CPS1: variants seen among roughly 807,000 people sequenced by gnomAD.
The protein encoded by CPS1 is carbamoyl-phosphate synthase 1.
CPS1 carries 109 observed loss-of-function variants against 174.6 expected under a neutral mutation model. That is an observed-to-expected ratio of 0.62 (90% CI 0.53 to 0.73). The LOEUF (loss-of-function observed/expected upper bound fraction) is 0.73. Among genes scored for constraint, CPS1 ranks in the 30% least tolerant of loss-of-function variants. The pLI is 0.00. For missense variants in CPS1, 1,689 were observed against 1,821.9 expected (o/e 0.93, Z 1.33); for synonymous variants, 637 against 632.0 (o/e 1.01, Z -0.12).
chr2:210,538,289 C>A (rs1362382511), intron 1 of CPS1, among the ~76,000 whole-genome samples: 3 of 151,932 alleles, frequency 2.0e-5, no homozygotes, highest in Non-Finnish European at 4.4e-5. Flanking sequence ...ATCCTTATTT[C>A]TTTCAATATT....
At chr2:210,598,066 A>G (rs1698554785) in intron 13 of CPS1, among the ~76,000 whole-genome samples, 1 of 151,684 alleles carries the variant, frequency 6.6e-6, no homozygotes, top group Non-Finnish European at 1.5e-5. Context: ...CTTCTTAGAC[A>G]AATAAATACA....
At chr2:210,589,190 T>A (rs1313745862) in intron 7 of CPS1, among the ~76,000 whole-genome samples, 1 of 152,056 alleles carries the variant, frequency 6.6e-6, no homozygotes, top group African/African-American at 2.4e-5. Context: ...CACTTATCCC[T>A]AGTGGTAACT....
intron 1 of CPS1, among the ~76,000 whole-genome samples, chr2:210,511,553 C>T (rs1262874836): frequency 1.3e-5 from 2 of 151,856 alleles, no homozygotes; most frequent in Non-Finnish European, 2.9e-5. Context: ...AAGAAAACAG[C>T]AGAATCACAG....
At chr2:210,503,429 C>G (rs1695199710) in intron 1 of CPS1, among the ~76,000 whole-genome samples, 1 of 152,116 alleles carries the variant, frequency 6.6e-6, no homozygotes, top group South Asian at 2.1e-4. Flanking sequence ...AAACCCCCGG[C>G]ATAAATATTA....
chr2:210,516,621 C>T (rs907277146), intron 1 of CPS1, among the ~76,000 whole-genome samples: 1 of 151,972 alleles, frequency 6.6e-6, no homozygotes, highest in African/African-American at 2.4e-5. Flanking sequence ...CGAAACTAAA[C>T]TCTGCCTTAC....
intron 1 of CPS1, among the ~76,000 whole-genome samples, chr2:210,482,637 TAG>T (rs1285200143): frequency 6.7e-6 from 1 of 149,120 alleles, no homozygotes; most frequent in Non-Finnish European, 1.5e-5. Context: ...GACTATAGAC[TAG>T]AGTTTGACAT....
intron 1 of CPS1, among the ~76,000 whole-genome samples, chr2:210,504,206 C>T (rs899999536): frequency 7.2e-5 from 11 of 152,018 alleles, no homozygotes; most frequent in Non-Finnish European, 1.3e-4. Flanking sequence ...TGTGTCCACC[C>T]GTGAAGATCC....
intron 20 of CPS1, among the ~76,000 whole-genome samples, chr2:210,615,373 A>G (rs1300353362): frequency 1.3e-5 from 2 of 152,020 alleles, no homozygotes; most frequent in Non-Finnish European, 2.9e-5. Flanking sequence ...ACTCTAGTCA[A>G]CAAAATTATG....
At chr2:210,601,544 A>C (rs1365009355) in intron 15 of CPS1, among the ~76,000 whole-genome samples, 1 of 151,958 alleles carries the variant, frequency 6.6e-6, no homozygotes, top group African/African-American at 2.4e-5. Flanking sequence ...CTTGCCATAC[A>C]TTTGTTCTTT....
chr2:210,648,136 A>G (rs1574638906), intron 26 of CPS1, 79 bp downstream of exon 26: 1 of 1,393,968 alleles, frequency 7.2e-7, no homozygotes, highest in South Asian at 1.2e-5. Flanking sequence ...AATGTTGACT[A>G]TTGGATATGT....
At chr2:210,493,527 A>G (rs1002254780) in intron 1 of CPS1, among the ~76,000 whole-genome samples, 3 of 152,256 alleles carry the variant, frequency 2.0e-5, no homozygotes, top group Non-Finnish European at 4.4e-5. Context: ...TGTATTAAGT[A>G]TATATATTTA....
At chr2:210,668,419 A>C (rs1303208605) in intron 34 of CPS1, 135 bp downstream of exon 34, 1 of 736,060 alleles carries the variant, frequency 1.4e-6, no homozygotes, top group Non-Finnish European at 2.5e-6. Flanking sequence ...TCCAGGAAGA[A>C]GGGACATTTG....
At chr2:210,496,131 C>T (rs185511358) in intron 1 of CPS1, among the ~76,000 whole-genome samples, 19 of 152,282 alleles carry the variant, frequency 1.2e-4, no homozygotes, top group Middle Eastern at 3.4e-3. Context: ...ACTTGCACCT[C>T]ACCAAAAACT....
chr2:210,601,024 C>A (rs1199684084), intron 15 of CPS1, among the ~76,000 whole-genome samples: 2 of 151,898 alleles, frequency 1.3e-5, no homozygotes, highest in Non-Finnish European at 2.9e-5. Context: ...AATAACAAAG[C>A]AATTTTTACC....
intron 1 of CPS1, among the ~76,000 whole-genome samples, chr2:210,496,133 C>T (rs567776019): frequency 3.0e-4 from 46 of 152,278 alleles, no homozygotes; most frequent in African/African-American, 1.1e-3. Context: ...TTGCACCTCA[C>T]CAAAAACTTC....
intron 1 of CPS1, among the ~76,000 whole-genome samples, chr2:210,507,496 CATA>C (rs1695320780): frequency 6.6e-6 from 1 of 152,034 alleles, no homozygotes; most frequent in Non-Finnish European, 1.5e-5. Flanking sequence ...CAGCTAACAT[CATA>C]ATGACAGGAT....
chr2:210,659,592 C>T (rs773160415), intron 31 of CPS1, among the ~76,000 whole-genome samples: 1 of 152,168 alleles, frequency 6.6e-6, no homozygotes, highest in Non-Finnish European at 1.5e-5. Flanking sequence ...GGACAAACCA[C>T]ATCCAGACCA....
At chr2:210,511,582 C>G (rs1406220604) in intron 1 of CPS1, among the ~76,000 whole-genome samples, 5 of 151,980 alleles carry the variant, frequency 3.3e-5, no homozygotes, top group Non-Finnish European at 1.5e-5. Flanking sequence ...TCCATGGGAG[C>G]TGATGAAGAG....
intron 25 of CPS1, among the ~76,000 whole-genome samples, chr2:210,645,285 A>G (rs73076037): frequency 0.017 from 2,557 of 152,284 alleles, 77 homozygotes; most frequent in African/African-American, 0.059. Context: ...CTAGTCGTCA[A>G]TGATGAGAAT....
Sources: allele counts gnomAD v4.1 joint callset (sites outside exome capture counted in the v4.1 genomes callset), GRCh38; gene constraint gnomAD v4.1.1; transcripts MANE v1.5; gene names NCBI Gene and HGNC (gene_info 2026-07-23, HGNC 2026-07-21).